STX3: variants seen among roughly 807,000 people sequenced by gnomAD.
The protein encoded by STX3 is syntaxin 3.
STX3 carries 19 observed loss-of-function variants against 40.2 expected under a neutral mutation model. The ratio of observed to expected loss-of-function variants is 0.47; its 90% CI spans 0.33 to 0.69. The LOEUF (loss-of-function observed/expected upper bound fraction) is 0.69. STX3 is among the 30% of genes least tolerant of loss of function. The probability of loss-of-function intolerance (pLI) is 0.02; values close to 1 mark genes in which losing one functional copy is unlikely to be tolerated. For synonymous variants in STX3, 122 were observed against 132.2 expected, an observed-to-expected ratio of 0.92 and a Z score of 0.53; for missense variants, 364 against 366.7, an observed-to-expected ratio of 0.99 and a Z score of 0.06.
intron 5 of STX3, among the ~76,000 whole-genome samples, chr11:59,791,814 A>G (rs893703224): frequency 2.0e-5 from 3 of 152,142 alleles, no homozygotes; most frequent in East Asian, 1.9e-4. Flanking sequence ...GAAAAATGCT[A>G]CTAGTCCATG....
chr11:59,800,580 T>G, intron 10 of STX3: 1 of 985,406 alleles, frequency 1.0e-6, no homozygotes, highest in Non-Finnish European at 1.2e-6. Context: ...CACTAGGGAT[T>G]GTCCCTTCCC....
chr11:59,770,113 T>C (rs1319879263), intron 1 of STX3, among the ~76,000 whole-genome samples: 1 of 150,388 alleles, frequency 6.6e-6, no homozygotes, highest in Non-Finnish European at 1.5e-5. Context: ...TGGGTGTGGG[T>C]GTATGTGTGG....
chr11:59,790,112 A>T (rs954370198), intron 4 of STX3, among the ~76,000 whole-genome samples: 1 of 152,134 alleles, frequency 6.6e-6, no homozygotes, highest in Non-Finnish European at 1.5e-5. Context: ...GTGATAGTGC[A>T]CCTGCCATTG....
At chr11:59,800,293 G>T in intron 10 of STX3, 2 of 985,380 alleles carry the variant, frequency 2.0e-6, no homozygotes, top group South Asian at 9.4e-5. Context: ...ATATTTCCTA[G>T]TAATGTGCCA....
intron 5 of STX3, 48 bp from the exon 6 acceptor site, chr11:59,792,059 C>A (rs1865207110): frequency 1.4e-6 from 2 of 1,458,374 alleles, no homozygotes; most frequent in Non-Finnish European, 1.9e-6. Flanking sequence ...GGTTCTATAA[C>A]AGTTACAGAA....
chr11:59,754,450 T>A (rs1272680105), upstream of STX3: 1 of 152,392 alleles, frequency 6.6e-6, no homozygotes, highest in African/African-American at 2.4e-5. Flanking sequence ...CGTTTATGGA[T>A]CTCCACTCTG....
chr11:59,769,820 T>C (rs1863476717), intron 1 of STX3, among the ~76,000 whole-genome samples: 1 of 150,494 alleles, frequency 6.6e-6, no homozygotes, highest in Non-Finnish European at 1.5e-5. Context: ...TGATGTCTTA[T>C]AGTGTACACG....
At chr11:59,789,050 AC>A in intron 4 of STX3, 103 bp downstream of exon 4, 1 of 1,016,484 alleles carries the variant, frequency 9.8e-7, no homozygotes, top group Non-Finnish European at 1.5e-6. Context: ...TGGAAGTGAC[AC>A]CACTTGGTCC....
chr11:59,793,094 C>T lies in STX3; in HGVS notation c.467-5C>T. 6.2e-7 allele frequency: 1 copy of T among 1,613,280 alleles called. No homozygotes were observed. Among genetic ancestry groups the T allele is most frequent in the Non-Finnish European group, 8.5e-7 (1 of 1,179,900 alleles). On this transcript the variant is annotated splice_polypyrimidine_tract_variant and splice_region_variant and intron_variant, in intron 6 of 10. Transcript: ENST00000337979. ...ATTTGACGCTCTACTTCTTTTGTTACAAAGCTGGCAAAAAGACAACCGATG... is the reference window on the plus strand; with the variant it reads ...ATTTGACGCTCTACTTCTTTTGTTATAAAGCTGGCAAAAAGACAACCGATG...
chr11:59,760,549 C>G (rs2134860360), intron 1 of STX3, among the ~76,000 whole-genome samples: 1 of 151,976 alleles, frequency 6.6e-6, no homozygotes, highest in South Asian at 2.1e-4. Context: ...GTCAGTGTTT[C>G]TAGTACTTCT....
chr11:59,785,239 A>G (rs1864675064), intron 2 of STX3, among the ~76,000 whole-genome samples: 1 of 152,234 alleles, frequency 6.6e-6, no homozygotes, highest in Non-Finnish European at 1.5e-5. Flanking sequence ...ATATATTTAT[A>G]GAGGGGAAAA....
At chr11:59,786,782 C>A (rs1864803884) in intron 2 of STX3, among the ~76,000 whole-genome samples, 2 of 152,156 alleles carry the variant, frequency 1.3e-5, no homozygotes, top group Admixed American at 1.3e-4. Context: ...GGCCTGAATC[C>A]TTTCATCCAA....
chr11:59,795,799 C>A, intron 9 of STX3: 3 of 1,147,456 alleles, frequency 2.6e-6, no homozygotes, highest in Non-Finnish European at 3.8e-6. Context: ...TGTTCTTGAG[C>A]CCATGCCTCC....
rs545750437 is a variant in STX3, at chr11:59,805,277, T to G, written c.*4453T>G. On this transcript the variant is annotated 3_prime_UTR_variant, in exon 11 of 11. Coordinates refer to ENST00000337979, the MANE Select transcript of STX3 (RefSeq NM_004177.5). ...TTGTGTTCAGCTTTAAAACCAGCTA[T>G]GTGAATGTGAGTTCTAGTGCAGATT... 1 of 152,162 alleles carries G rather than the reference T, an allele frequency of 6.6e-6. No individual in the cohort carries two copies. Among genetic ancestry groups the G allele is most frequent in the South Asian group, 2.1e-4 (1 of 4,826 alleles). The allele number at this position is 152,162 out of a possible 1,614,324, so 9.4% of individuals were successfully genotyped here. A position where few individuals can be genotyped will look rare whatever the true frequency, so the allele number is the denominator to read the frequency against.
chr11:59,796,722 C>T (rs1049589425), intron 9 of STX3, among the ~76,000 whole-genome samples: 2 of 152,234 alleles, frequency 1.3e-5, no homozygotes, highest in African/African-American at 4.8e-5. Flanking sequence ...TTCTATCTGT[C>T]CACATATACA....
rs1865817235 is a variant in STX3, at chr11:59,800,414, T to C, written c.*31-441T>C. The C allele has an allele frequency of 4.2e-5, 41 of 985,306 alleles. No individual in the cohort carries two copies. The South Asian group carries it at 1.7e-3, about 42-fold the overall frequency. The allele number at this position is 985,306 out of a possible 1,614,324, so 61.0% of individuals were successfully genotyped here. On this transcript the variant is annotated intron_variant, in intron 10 of 10. Coordinates refer to ENST00000337979, the MANE Select transcript of STX3 (RefSeq NM_004177.5). ...CTCATAAGGTGGAGCAGCCATAATA[T>C]GACCCCTGAACTTTTTCCATAGGCT...
upstream of STX3, chr11:59,755,364 G>T (rs969242135): frequency 2.7e-5 from 9 of 331,556 alleles, no homozygotes; most frequent in Non-Finnish European, 4.8e-5. Flanking sequence ...CGCCGGCGCC[G>T]GCCCGGGAGC....
At chr11:59,795,772 C>T in intron 9 of STX3, 1 of 1,406,120 alleles carries the variant, frequency 7.1e-7, no homozygotes, top group East Asian at 2.5e-5. Flanking sequence ...TCTCTTCTCC[C>T]TGGCCACCCC....
chr11:59,778,575 G>A (rs2134955174), intron 2 of STX3, among the ~76,000 whole-genome samples: 1 of 152,344 alleles, frequency 6.6e-6, no homozygotes. Context: ...ATGGCTGTTT[G>A]TTGGGTCAGT....
Sources: allele counts gnomAD v4.1 joint callset (sites outside exome capture counted in the v4.1 genomes callset), GRCh38; gene constraint gnomAD v4.1.1; transcripts MANE v1.5; gene names NCBI Gene and HGNC (gene_info 2026-07-23, HGNC 2026-07-21).